ANKS1B: variants seen among roughly 807,000 people sequenced by gnomAD.
ANKS1B encodes ankyrin repeat and sterile alpha motif domain containing 1B, also known as ankyrin repeat and sterile alpha motif domain-containing protein 1B.
In ANKS1B, 36 loss-of-function variants were observed where a neutral mutation model predicts 148.3. The ratio of observed to expected loss-of-function variants is 0.24; its 90% CI spans 0.19 to 0.32. The LOEUF is 0.32. Among genes scored for constraint, ANKS1B ranks in the 10% least tolerant of loss-of-function variants. ANKS1B has a pLI of 1.00. For missense variants in ANKS1B, 1,157 were observed against 1,542.6 expected, an observed-to-expected ratio of 0.75 and a Z score of 4.19; for synonymous variants, 542 against 560.8, an observed-to-expected ratio of 0.97 and a Z score of 0.47.
At chr12:99,550,485 A>T (rs905915264) in intron 9 of ANKS1B, among the ~76,000 whole-genome samples, 30 of 152,084 alleles carry the variant, frequency 2.0e-4, no homozygotes, top group Non-Finnish European at 7.4e-5. Context: ...TTAGCTGGGC[A>T]TGGTGGCTGG....
chr12:99,285,103 T>A (rs940226020), intron 12 of ANKS1B, among the ~76,000 whole-genome samples: 1 of 152,172 alleles, frequency 6.6e-6, no homozygotes, highest in Non-Finnish European at 1.5e-5. Flanking sequence ...CCTTTTGTAA[T>A]TTCTCACTCA....
At chr12:99,396,596 C>A (rs572082584) in intron 12 of ANKS1B, among the ~76,000 whole-genome samples, 1 of 152,270 alleles carries the variant, frequency 6.6e-6, no homozygotes, top group South Asian at 2.1e-4. Context: ...CTGATGATTA[C>A]AATTTCTCCA....
intron 9 of ANKS1B, among the ~76,000 whole-genome samples, chr12:99,614,642 T>C (rs2097935400): frequency 6.6e-6 from 1 of 152,044 alleles, no homozygotes. Flanking sequence ...GCACCAACAA[T>C]TTTATTGAAA....
intron 14 of ANKS1B, among the ~76,000 whole-genome samples, chr12:99,155,597 T>A (rs1363149029): frequency 6.6e-6 from 1 of 152,106 alleles, no homozygotes; most frequent in African/African-American, 2.4e-5. Context: ...GAATAACAGA[T>A]GTAAATGTGT....
At chr12:99,338,793 G>T (rs2089418929) in intron 12 of ANKS1B, among the ~76,000 whole-genome samples, 1 of 152,146 alleles carries the variant, frequency 6.6e-6, no homozygotes, top group Admixed American at 6.5e-5. Flanking sequence ...TTCCCTTCTG[G>T]TGCAGGGTAT....
intron 12 of ANKS1B, among the ~76,000 whole-genome samples, chr12:99,326,032 A>T (rs1246028068): frequency 1.3e-5 from 2 of 152,164 alleles, no homozygotes; most frequent in Middle Eastern, 6.8e-3. Flanking sequence ...TGAAGTGTGA[A>T]AAGAGTCCAT....
chr12:99,791,643 A>G (rs1339998512), intron 4 of ANKS1B, among the ~76,000 whole-genome samples: 1 of 151,974 alleles, frequency 6.6e-6, no homozygotes, highest in Non-Finnish European at 1.5e-5. Context: ...ATTAAACAAT[A>G]TGCTCCTGAA....
At chr12:99,615,652 A>G (rs1382608171) in intron 9 of ANKS1B, among the ~76,000 whole-genome samples, 1 of 152,208 alleles carries the variant, frequency 6.6e-6, no homozygotes, top group Admixed American at 6.5e-5. Context: ...TCAAAATAAT[A>G]AGAGCTATTT....
chr12:99,382,506 C>T (rs1189263679), intron 12 of ANKS1B, among the ~76,000 whole-genome samples: 1 of 151,802 alleles, frequency 6.6e-6, no homozygotes, highest in Non-Finnish European at 1.5e-5. Context: ...AATTCGAGAC[C>T]AGTCAACATG....
intron 14 of ANKS1B, among the ~76,000 whole-genome samples, chr12:99,164,687 C>G (rs2153832556): frequency 1.3e-5 from 2 of 152,112 alleles, no homozygotes; most frequent in Non-Finnish European, 2.9e-5. Context: ...TTCTCTTTTT[C>G]CTACAACCAC....
chr12:99,696,212 G>A (rs373266634), intron 8 of ANKS1B, among the ~76,000 whole-genome samples: 2 of 152,064 alleles, frequency 1.3e-5, no homozygotes, highest in East Asian at 1.9e-4. Flanking sequence ...AAAATCACTT[G>A]GAAAAACTCC....
At chr12:99,740,693 G>C (rs1287127094) in intron 8 of ANKS1B, among the ~76,000 whole-genome samples, 1 of 152,158 alleles carries the variant, frequency 6.6e-6, no homozygotes, top group African/African-American at 2.4e-5. Flanking sequence ...TTCCAACCCA[G>C]GTACCTGGCT....
chr12:98,811,544 A>T (rs1268915080), intron 19 of ANKS1B, among the ~76,000 whole-genome samples: 3 of 152,172 alleles, frequency 2.0e-5, no homozygotes, highest in Non-Finnish European at 4.4e-5. Flanking sequence ...GGCACCCCCA[A>T]GCCAGATGTA....
chr12:98,999,722 G>T (rs188736998), intron 17 of ANKS1B, among the ~76,000 whole-genome samples: 1 of 152,332 alleles, frequency 6.6e-6, no homozygotes, highest in Admixed American at 6.5e-5. Context: ...CAGATGGGAT[G>T]CATCGGGCTA....
intron 8 of ANKS1B, among the ~76,000 whole-genome samples, chr12:99,675,539 G>A (rs2098558767): frequency 6.6e-6 from 1 of 151,430 alleles, no homozygotes; most frequent in Non-Finnish European, 1.5e-5. Flanking sequence ...GTGAAATAAT[G>A]GCCTATTTAA....
intron 14 of ANKS1B, among the ~76,000 whole-genome samples, chr12:99,174,773 T>A (rs1266970911): frequency 1.3e-5 from 2 of 152,194 alleles, no homozygotes; most frequent in African/African-American, 4.8e-5. Flanking sequence ...TGCCCCTTTA[T>A]ATTTTACAAA....
chr12:99,003,930 G>C (rs760678578), intron 17 of ANKS1B, among the ~76,000 whole-genome samples: 1 of 152,206 alleles, frequency 6.6e-6, no homozygotes, highest in Non-Finnish European at 1.5e-5. Context: ...CTGGGGGATG[G>C]TCAAAGGACA....
At chr12:99,626,832 CAG>C (rs1308787751) in intron 9 of ANKS1B, among the ~76,000 whole-genome samples, 1 of 152,100 alleles carries the variant, frequency 6.6e-6, no homozygotes, top group Non-Finnish European at 1.5e-5. Context: ...CAGGGTCAAT[CAG>C]AGAGGTCAGG....
chr12:99,592,988 G>C (rs1312208568), intron 9 of ANKS1B, among the ~76,000 whole-genome samples: 3 of 152,144 alleles, frequency 2.0e-5, no homozygotes, highest in Admixed American at 1.3e-4. Context: ...TGAATGTCTA[G>C]GTTATGATAA....
Sources: allele counts gnomAD v4.1 joint callset (sites outside exome capture counted in the v4.1 genomes callset), GRCh38; gene constraint gnomAD v4.1.1; transcripts MANE v1.5; gene names NCBI Gene and HGNC (gene_info 2026-07-23, HGNC 2026-07-21).